The following PRKG2 variants were observed in gnomAD, a reference collection of about 807,000 sequenced individuals.
PRKG2 encodes cGMP-dependent protein kinase 2.
In PRKG2, 33 loss-of-function variants were observed where a neutral mutation model predicts 97.2. The ratio of observed to expected loss-of-function variants is 0.34; its 90% confidence interval spans 0.26 to 0.45. The LOEUF is 0.45. Ranked by LOEUF, PRKG2 falls within the 20% of genes least tolerant of loss-of-function variation. The pLI, the probability that PRKG2 is intolerant of heterozygous loss-of-function variation, is 1.00. For missense variants in PRKG2, 638 were observed against 900.0 expected (o/e 0.71, Z 3.73); for synonymous variants, 330 against 321.8 (o/e 1.03, Z -0.27).
chr4:81,119,331 G>A (rs2109998778), intron 14 of PRKG2, among the ~76,000 whole-genome samples: 1 of 152,262 alleles, frequency 6.6e-6, no homozygotes. Context: ...TTAGCGTCTG[G>A]ATGTCGCATT....
intron 8 of PRKG2, among the ~76,000 whole-genome samples, chr4:81,149,726 A>G (rs564768142): frequency 6.6e-6 from 1 of 152,292 alleles, no homozygotes; most frequent in African/African-American, 2.4e-5. Flanking sequence ...CACACACAAA[A>G]GGTACATCCA....
chr4:81,139,485 A>C (rs989700168), intron 12 of PRKG2, among the ~76,000 whole-genome samples: 2 of 152,132 alleles, frequency 1.3e-5, no homozygotes, highest in South Asian at 4.2e-4. Flanking sequence ...GAATAAAAAC[A>C]GGCTGGGCGC....
At chr4:81,105,149 C>A (rs746842381) in intron 16 of PRKG2, among the ~76,000 whole-genome samples, 1 of 152,058 alleles carries the variant, frequency 6.6e-6, no homozygotes, top group Non-Finnish European at 1.5e-5. Context: ...GTATATAATG[C>A]CTAGTGATCA....
chr4:81,148,101 T>G (rs529243854), intron 9 of PRKG2, among the ~76,000 whole-genome samples: 2 of 152,284 alleles, frequency 1.3e-5, no homozygotes, highest in African/African-American at 4.8e-5. Context: ...TAGACTCTAT[T>G]TTCAATAAAT....
At chr4:81,128,186 T>C (rs982347498) in intron 14 of PRKG2, among the ~76,000 whole-genome samples, 2 of 152,222 alleles carry the variant, frequency 1.3e-5, no homozygotes. Flanking sequence ...GAAGCTGACT[T>C]GATCGTGGTG....
Position 81,140,519 on chromosome 4 carries a change from A to C in PRKG2, c.1544+14T>G. On this transcript the variant is annotated intron_variant, in intron 12 of 18. Coordinates refer to ENST00000264399, the MANE Select transcript of PRKG2 (RefSeq NM_006259.3). Reference sequence around the variant, plus strand: ...TGAAAATCCTAACTCCTTGGAAGCCAAGTGGTCACTTACTTCACAATGAAT... The same window carrying C: ...TGAAAATCCTAACTCCTTGGAAGCCCAGTGGTCACTTACTTCACAATGAAT... 1 of 1,558,460 alleles carries C rather than the reference A, an allele frequency of 6.4e-7. No homozygotes were observed. The highest frequency in any genetic ancestry group is 8.7e-7 in the Non-Finnish European group (1 of 1,148,610).
At chr4:81,158,946 T>C (rs1232359065) in intron 6 of PRKG2, among the ~76,000 whole-genome samples, 1 of 149,344 alleles carries the variant, frequency 6.7e-6, no homozygotes, top group Non-Finnish European at 1.5e-5. Flanking sequence ...TTACACCTTA[T>C]ACAAAAATCA....
intron 14 of PRKG2, among the ~76,000 whole-genome samples, chr4:81,116,471 G>T (rs923724611): frequency 1.6e-4 from 24 of 152,246 alleles, no homozygotes; most frequent in African/African-American, 5.8e-4. Context: ...CTTGGGAATA[G>T]TGCTGTAATG....
chr4:81,110,765 AGACAGACAGACG>A (rs1437256239), intron 14 of PRKG2, among the ~76,000 whole-genome samples, 154 bp from the exon 15 acceptor site: 3 of 2,950 alleles, frequency 1.0e-3, no homozygotes, highest in Non-Finnish European at 0.03. Flanking sequence ...AGAGAGAGAG[AGACAGACAGACG>A]GACAGACAGA....
chr4:81,149,104 C>T lies in PRKG2; in HGVS notation c.1086-152G>A, dbSNP rs140393942. 4.8e-4 allele frequency: 338 copies of T among 705,602 alleles called. No individual in the cohort carries two copies. In the Middle Eastern group the frequency reaches 6.0e-3, roughly 13 times the overall value. 43.7% of individuals were successfully genotyped at this position (705,602 alleles called of 1,614,324 possible). ...TTTAAACATCATAATTTATATCCCC[C>T]CAAAAAAAGATTTGAAATGTGCCCC... is the stretch of plus-strand genomic sequence containing the variant. On this transcript the variant is annotated intron_variant, in intron 8 of 18. Coordinates refer to ENST00000264399, the MANE Select transcript of PRKG2 (RefSeq NM_006259.3).
At chr4:81,216,936 A>G (rs1434454997), upstream of PRKG2, among the ~76,000 whole-genome samples, 1 of 132,956 alleles carries the variant, frequency 7.5e-6, no homozygotes, top group East Asian at 2.2e-4. Context: ...TGTGTGTAGT[A>G]CCCCTGAATC....
At chr4:81,139,325 G>T (rs778084901) in intron 12 of PRKG2, among the ~76,000 whole-genome samples, 1 of 152,072 alleles carries the variant, frequency 6.6e-6, no homozygotes, top group African/African-American at 2.4e-5. Flanking sequence ...ACAAATCCTT[G>T]CTTCCCTAGT....
At chr4:81,196,916 T>C (rs893916093) in intron 2 of PRKG2, among the ~76,000 whole-genome samples, 2 of 152,192 alleles carry the variant, frequency 1.3e-5, no homozygotes, top group African/African-American at 4.8e-5. Context: ...AAAGGATAGA[T>C]ACAAGAAATG....
chr4:81,147,247 C>G (rs1578419828), intron 9 of PRKG2, among the ~76,000 whole-genome samples: 1 of 149,868 alleles, frequency 6.7e-6, no homozygotes, highest in African/African-American at 2.4e-5. Flanking sequence ...GAAATGAGCT[C>G]CTCCTTTCTA....
intron 17 of PRKG2, among the ~76,000 whole-genome samples, chr4:81,096,288 T>C (rs1261745995): frequency 2.0e-5 from 3 of 152,164 alleles, no homozygotes; most frequent in African/African-American, 7.2e-5. Flanking sequence ...ATGCCTACAA[T>C]CCTAGCACTT....
intron 6 of PRKG2, among the ~76,000 whole-genome samples, chr4:81,161,464 G>C (rs922431215): frequency 2.2e-4 from 33 of 152,206 alleles, no homozygotes; most frequent in African/African-American, 7.5e-4. Context: ...CCTAGGCACA[G>C]TGTTGCTCAA....
Position 81,148,885 on chromosome 4 carries a change from C to A in PRKG2, c.1153G>T (p.Glu385Ter). The change falls in exon 9 of 19, where the codon GAA becomes TAA. Residue 385 changes from glutamate (E) to a stop codon, truncating the protein, a stop_gained and splice_region_variant. Transcript: ENST00000264399. LOFTEE classifies it high-confidence loss of function. The part of the protein sequence containing the change: ...NDVACLVIDR[E>*]TFNQTVGTFE... ...CTCCTCCAACATCAGTATACTCACT[C>A]TCGATCTATAACCAGGCATGCAACA... 1 of 1,613,636 alleles carries A rather than the reference C, an allele frequency of 6.2e-7. No individual in the cohort carries two copies. Among genetic ancestry groups the A allele is most frequent in the South Asian group, 1.1e-5 (1 of 91,066 alleles).
At chr4:81,180,764 T>C (rs906436531) in intron 2 of PRKG2, among the ~76,000 whole-genome samples, 1 of 149,188 alleles carries the variant, frequency 6.7e-6, no homozygotes, top group Admixed American at 6.6e-5. Flanking sequence ...TTGAACTTTA[T>C]TGAATCTCTT....
intron 15 of PRKG2, among the ~76,000 whole-genome samples, chr4:81,109,748 G>C (rs1307742734): frequency 6.6e-6 from 1 of 152,110 alleles, no homozygotes; most frequent in Non-Finnish European, 1.5e-5. Flanking sequence ...AAAATGTAAA[G>C]TACTTTACAA....
Sources: gnomAD v4.1 joint callset for allele counts (sites outside exome capture counted in the v4.1 genomes callset) on GRCh38, gnomAD v4.1.1 for gene constraint, MANE v1.5 for transcripts, NCBI Gene and HGNC (gene_info 2026-07-23, HGNC 2026-07-21) for gene names.